The following VEPH1 variants were observed in gnomAD, a reference collection of about 807,000 sequenced individuals.
VEPH1 encodes the protein ventricular zone-expressed PH domain-containing protein homolog 1.
A neutral mutation model predicts 85.2 loss-of-function variants in VEPH1; 80 were observed. The observed-to-expected ratio is 0.94, with a 90% CI of 0.78 to 1.13. The LOEUF (loss-of-function observed/expected upper bound fraction) is 1.13. Ranked by LOEUF, VEPH1 falls within the 50% of genes most tolerant of loss-of-function variation. The pLI, the probability that VEPH1 is intolerant of heterozygous loss-of-function variation, is 0.00. For missense variants in VEPH1, 955 were observed against 980.5 expected (o/e 0.97, Z 0.35); for synonymous variants, 297 against 348.0 (o/e 0.85, Z 1.63).
chr3:157,403,632 G>A (rs1412829403), intron 6 of VEPH1, among the ~76,000 whole-genome samples: 1 of 152,118 alleles, frequency 6.6e-6, no homozygotes, highest in Admixed American at 6.6e-5. Flanking sequence ...TACAGCAGGT[G>A]TGTGATAAAT....
chr3:157,435,847 C>G (rs558917692), intron 4 of VEPH1, among the ~76,000 whole-genome samples: 19 of 152,138 alleles, frequency 1.2e-4, no homozygotes, highest in African/African-American at 4.3e-4. Flanking sequence ...ATCCTTGCCT[C>G]GAAACCTTGT....
intron 9 of VEPH1, among the ~76,000 whole-genome samples, chr3:157,330,043 T>C (rs1490986309): frequency 6.6e-6 from 1 of 152,196 alleles, no homozygotes; most frequent in Non-Finnish European, 1.5e-5. Context: ...GAATGGACTT[T>C]GAGTGGTGGT....
At chr3:157,400,024 C>T (rs528727292) in intron 6 of VEPH1, among the ~76,000 whole-genome samples, 2 of 152,058 alleles carry the variant, frequency 1.3e-5, no homozygotes, top group South Asian at 4.1e-4. Context: ...ATTATAAAAA[C>T]CCTATTAGAA....
At chr3:157,350,846 G>A (rs1724787541) in intron 9 of VEPH1, among the ~76,000 whole-genome samples, 1 of 152,132 alleles carries the variant, frequency 6.6e-6, no homozygotes, top group Non-Finnish European at 1.5e-5. Context: ...AGTTACAGTG[G>A]CTATTATCAA....
In VEPH1 at chr3:157,381,170, C is replaced by G. The variant is rs2108864892; in HGVS notation, c.1113G>C (p.Lys371Asn). 3.1e-6 allele frequency: 5 copies of G among 1,613,570 alleles called. No homozygotes were observed. In the East Asian group the frequency reaches 6.7e-5, roughly 22 times the overall value. Residue 371 changes from lysine to asparagine, a missense_variant, in exon 7 of 14, where the codon AAG (lysine) becomes AAC (asparagine). Physicochemically the swap from Lys to Asn is moderately conservative, Grantham distance 94. Coordinates refer to ENST00000362010, the MANE Select transcript of VEPH1 (RefSeq NM_001167912.2). ...KLLTRQLENT[K>N]AGSGRRKIST... ...CTCTTGCTCACCTGCCACTTCCAGC[C>G]TTGGTATTTTCCAGTTGTCGGGTAA...
chr3:157,272,375 TTTTCTTTCTTTCTTTCTTTCTTTC>T (rs758495924), intron 12 of VEPH1, among the ~76,000 whole-genome samples: 57 of 95,034 alleles, frequency 6.0e-4, no homozygotes, highest in African/African-American at 1.9e-3. Flanking sequence ...TTTCTCTTTC[TTTTCTTTCTTTCTTTCTTTCTTTC>T]TTTCTTTCTT....
At chr3:157,304,036 T>TACAC (rs1467938916) in intron 11 of VEPH1, among the ~76,000 whole-genome samples, 1 of 70,198 alleles carries the variant, frequency 1.4e-5, no homozygotes. Flanking sequence ...TATATATATA[T>TACAC]ATACACACAT....
intron 12 of VEPH1, among the ~76,000 whole-genome samples, chr3:157,268,926 T>G (rs894453776): frequency 7.8e-6 from 1 of 128,202 alleles, no homozygotes; most frequent in Non-Finnish European, 1.6e-5. Context: ...TTTTTAATAT[T>G]TTTTTGTATA....
At chr3:157,486,719 G>A (rs1738687235) in intron 2 of VEPH1, among the ~76,000 whole-genome samples, 1 of 152,026 alleles carries the variant, frequency 6.6e-6, no homozygotes. Flanking sequence ...AACAGTTTCT[G>A]GCACACAATA....
At chr3:157,462,237 C>T (rs572143901) in intron 3 of VEPH1, among the ~76,000 whole-genome samples, 3 of 151,810 alleles carry the variant, frequency 2.0e-5, no homozygotes, top group South Asian at 2.1e-4. Context: ...TTTAATTTTG[C>T]TCTGGGTTCT....
At chr3:157,340,933 G>C (rs1723484484) in intron 9 of VEPH1, among the ~76,000 whole-genome samples, 1 of 152,216 alleles carries the variant, frequency 6.6e-6, no homozygotes. Context: ...TGGACCTCCA[G>C]CAAACTCCAA....
At chr3:157,271,834 G>C (rs1293776538) in intron 12 of VEPH1, among the ~76,000 whole-genome samples, 1 of 151,890 alleles carries the variant, frequency 6.6e-6, no homozygotes, top group Non-Finnish European at 1.5e-5. Flanking sequence ...ATATACGAGG[G>C]AACTTCAAAA....
chr3:157,346,450 A>T (rs1724231632), intron 9 of VEPH1, among the ~76,000 whole-genome samples: 2 of 152,214 alleles, frequency 1.3e-5, no homozygotes, highest in Non-Finnish European at 2.9e-5. Flanking sequence ...TTGAAAGACC[A>T]GTTTCTAAGT....
At chr3:157,439,747 C>T (rs1577662955) in intron 4 of VEPH1, among the ~76,000 whole-genome samples, 1 of 152,132 alleles carries the variant, frequency 6.6e-6, no homozygotes. Flanking sequence ...CTCTTGAACA[C>T]TACTTTTTTG....
chr3:157,404,112 C>T (rs1045109987), intron 6 of VEPH1, among the ~76,000 whole-genome samples: 1 of 152,148 alleles, frequency 6.6e-6, no homozygotes, highest in Non-Finnish European at 1.5e-5. Flanking sequence ...TCAAACACAA[C>T]CTGCCATGTC....
intron 3 of VEPH1, among the ~76,000 whole-genome samples, chr3:157,464,473 G>C (rs1736174571): frequency 6.6e-6 from 1 of 152,182 alleles, no homozygotes; most frequent in Non-Finnish European, 1.5e-5. Flanking sequence ...GCCTATGAAA[G>C]ACCTTGCTTC....
chr3:157,313,725 T>A lies in VEPH1; in HGVS notation c.1906A>T (p.Ser636Cys), dbSNP rs1720398817. The change falls in exon 11 of 14, where the codon AGT becomes TGT. Residue 636 changes from serine to cysteine, a missense_variant. By Grantham distance (112) the Ser-to-Cys change is moderately radical (BLOSUM62 -1). Transcript: ENST00000362010. ...SLFPEPLSIQ[S>C]HSVQFLRALW... ...GCTCTGAGGAATTGCACAGAATGAC[T>A]CTGAATGGACAGGGGTTCAGGAAAC... is the stretch of plus-strand genomic sequence containing the variant. 6.2e-7 allele frequency: 1 copy of A among 1,614,040 alleles called. No homozygotes were observed. Among genetic ancestry groups the A allele is most frequent in the East Asian group, 2.2e-5 (1 of 44,872 alleles).
intron 4 of VEPH1, among the ~76,000 whole-genome samples, chr3:157,433,099 T>C (rs1324058583): frequency 6.6e-6 from 1 of 152,176 alleles, no homozygotes; most frequent in Non-Finnish European, 1.5e-5. Flanking sequence ...GTTGCTCAGT[T>C]CTTATTAATA....
intron 6 of VEPH1, among the ~76,000 whole-genome samples, chr3:157,396,429 G>T (rs1241961130): frequency 6.6e-6 from 1 of 152,170 alleles, no homozygotes; most frequent in African/African-American, 2.4e-5. Context: ...ACAACAGAAT[G>T]ATTTATATTC....
Sources: gnomAD v4.1 joint callset for allele counts (sites outside exome capture counted in the v4.1 genomes callset) on GRCh38, gnomAD v4.1.1 for gene constraint, MANE v1.5 for transcripts, NCBI Gene and HGNC (gene_info 2026-07-23, HGNC 2026-07-21) for gene names.